The following PCMTD1 variants were observed in gnomAD, a reference collection of about 807,000 sequenced individuals.
The protein encoded by PCMTD1 is protein-L-isoaspartate (D-aspartate) O-methyltransferase domain containing 1, also known as protein-L-isoaspartate O-methyltransferase domain-containing protein 1.
In PCMTD1, 12 loss-of-function variants were observed where a neutral mutation model predicts 37.6. The ratio of observed to expected loss-of-function variants is 0.32; its 90% CI spans 0.20 to 0.52. The LOEUF is 0.52. Ranked by LOEUF, PCMTD1 falls within the 20% of genes least tolerant of loss-of-function variation. The probability of loss-of-function intolerance (pLI) is 0.97; values close to 1 mark genes in which losing one functional copy is unlikely to be tolerated. For synonymous variants in PCMTD1, 117 were observed against 135.8 expected (o/e 0.86, Z 0.96); for missense variants, 235 against 421.3 (o/e 0.56, Z 3.87).
intron 1 of PCMTD1, among the ~76,000 whole-genome samples, chr8:51,887,328 C>G (rs2038878371): frequency 6.6e-6 from 1 of 152,136 alleles, no homozygotes. Context: ...GAATCAGATA[C>G]AATCCATCTT....
chr8:51,867,703 A>G (rs1056323943), intron 1 of PCMTD1, among the ~76,000 whole-genome samples: 1 of 152,064 alleles, frequency 6.6e-6, no homozygotes, highest in Non-Finnish European at 1.5e-5. Context: ...ATACTAAGAC[A>G]TAAGACAGGC....
chr8:51,896,484 TTA>T (rs1284690985), intron 1 of PCMTD1: 5 of 152,184 alleles, frequency 3.3e-5, no homozygotes, highest in Admixed American at 6.5e-5. Flanking sequence ...ATAAAAATGT[TTA>T]CTGATATGAG....
intron 1 of PCMTD1, chr8:51,896,047 G>A (rs1456919110): frequency 6.8e-6 from 1 of 147,108 alleles, no homozygotes; most frequent in African/African-American, 2.6e-5. Context: ...GCAGGTTCAA[G>A]CGACTCTCCT....
At chr8:51,841,417 A>T (rs1175455844) in intron 3 of PCMTD1, among the ~76,000 whole-genome samples, 2 of 152,202 alleles carry the variant, frequency 1.3e-5, no homozygotes, top group African/African-American at 2.4e-5. Flanking sequence ...TGACACTGTC[A>T]TACTTTCAAA....
chr8:51,836,627 C>T (rs556127219), intron 3 of PCMTD1, among the ~76,000 whole-genome samples: 45 of 152,214 alleles, frequency 3.0e-4, no homozygotes, highest in African/African-American at 7.0e-4. Context: ...TACCTACCAA[C>T]GCTGAATATG....
intron 5 of PCMTD1, among the ~76,000 whole-genome samples, chr8:51,831,199 G>C (rs1159904899): frequency 1.3e-5 from 2 of 151,788 alleles, no homozygotes; most frequent in Non-Finnish European, 2.9e-5. Context: ...TTGGGTGTCT[G>C]AGGCACAAGA....
chr8:51,819,211 A>T lies in PCMTD1; in HGVS notation c.*1140T>A, dbSNP rs1293350646. ...AAAAAATATGGGAAGGAGTGAAATG[A>T]ACATGGCATAGGTCCCAAAGATTAC... On this transcript the variant is annotated 3_prime_UTR_variant, in exon 6 of 6. Transcript: ENST00000522514. 1 of 152,196 alleles carries T rather than the reference A, an allele frequency of 6.6e-6. No homozygotes were observed. The highest frequency in any genetic ancestry group is 2.4e-5 in the African/African-American group (1 of 41,462). 9.4% of individuals were successfully genotyped at this position (152,196 alleles called of 1,614,324 possible).
rs541504763 is a variant in PCMTD1 at position 51,849,457 on chromosome 8, T to A, written c.308-3694A>T. On this transcript the variant is annotated intron_variant, in intron 2 of 5. Transcript: ENST00000522514. ...CTATGAAACAAGGGCTTAATTTTTG[T>A]AACTTTTTTTTTAAAAAAAGAAAAT... 9 of 152,240 alleles carry A rather than the reference T, an allele frequency of 5.9e-5. No individual in the cohort carries two copies. In the South Asian group the frequency reaches 1.9e-3, roughly 32 times the overall value. 9.4% of individuals were successfully genotyped at this position (152,240 alleles called of 1,614,324 possible).
intron 2 of PCMTD1, among the ~76,000 whole-genome samples, chr8:51,848,705 GAAAGAT>G (rs1380910897): frequency 1.3e-5 from 2 of 151,986 alleles, no homozygotes; most frequent in African/African-American, 4.8e-5. Context: ...ATTTAATAAT[GAAAGAT>G]AAAGACAATT....
intron 5 of PCMTD1, among the ~76,000 whole-genome samples, chr8:51,826,393 G>C (rs2037921662): frequency 6.6e-6 from 1 of 152,174 alleles, no homozygotes; most frequent in Admixed American, 6.5e-5. Flanking sequence ...GGACGAGAGG[G>C]ATAGCATTAG....
At chr8:51,843,658 A>G (rs535382982) in intron 3 of PCMTD1, among the ~76,000 whole-genome samples, 46 of 152,234 alleles carry the variant, frequency 3.0e-4, no homozygotes, top group Non-Finnish European at 3.4e-4. Flanking sequence ...GTGGTCTTCA[A>G]ACTTATTTGT....
chr8:51,875,179 T>C (rs1319709092), intron 1 of PCMTD1, among the ~76,000 whole-genome samples: 1 of 152,220 alleles, frequency 6.6e-6, no homozygotes, highest in Admixed American at 6.5e-5. Context: ...CAGTAACTAA[T>C]ATGACAGAAA....
chr8:51,852,030 A>G (rs1284061116), intron 2 of PCMTD1, among the ~76,000 whole-genome samples: 1 of 152,318 alleles, frequency 6.6e-6, no homozygotes, highest in African/African-American at 2.4e-5. Context: ...CTATTTGTGA[A>G]GTACTTGAAG....
chr8:51,831,629 C>T, intron 4 of PCMTD1, 62 bp from the exon 5 acceptor site: 2 of 1,515,548 alleles, frequency 1.3e-6, no homozygotes, highest in South Asian at 1.3e-5. Context: ...GGTCACCTTA[C>T]AGTCAAAACT....
In PCMTD1 at chr8:51,875,878, G is replaced by A. The variant is rs1281662383; in HGVS notation, c.-95-14632C>T. The stretch of plus-strand genomic sequence containing the variant: ...GCCCAGGAGTTCAAGGCTGCAGTGA[G>A]CTATGACTGCACCACTGCACTCCAA... On this transcript the variant is annotated intron_variant, in intron 1 of 5. Coordinates refer to ENST00000522514, the MANE Select transcript of PCMTD1 (RefSeq NM_052937.4). 3.0e-4 allele frequency among the ~76,000 whole-genome samples: 46 copies of A among 152,196 alleles called. 1 individual carries two copies. Among genetic ancestry groups the A allele is most frequent in the Admixed American group, 3.0e-3 (46 of 15,284 alleles).
intron 1 of PCMTD1, among the ~76,000 whole-genome samples, chr8:51,882,367 T>A (rs1318426520): frequency 1.3e-5 from 2 of 152,180 alleles, no homozygotes. Context: ...ACAGCTGCAC[T>A]GGGCATGGGG....
At chr8:51,852,083 A>G (rs2038316807) in intron 2 of PCMTD1, among the ~76,000 whole-genome samples, 1 of 152,236 alleles carries the variant, frequency 6.6e-6, no homozygotes. Context: ...TAAATACTCA[A>G]TAAATATTTA....
In PCMTD1 at chr8:51,845,605, T is replaced by C. The variant is rs1376544410; in HGVS notation, c.410+56A>G. 11 of 1,186,186 alleles carry C rather than the reference T, an allele frequency of 9.3e-6. No homozygotes were observed. The Admixed American group carries it at 1.4e-4, about 15-fold the overall frequency. The allele number at this position is 1,186,186 out of a possible 1,614,324, so 73.5% of individuals were successfully genotyped here. A position where few individuals can be genotyped will look rare whatever the true frequency, so the allele number is the denominator to read the frequency against. On this transcript the variant is annotated intron_variant, in intron 3 of 5. Coordinates refer to ENST00000522514, the MANE Select transcript of PCMTD1 (RefSeq NM_052937.4). ...CAATAATAGTGTTCAAGAATAGACA[T>C]GTTGCATGTATCTATTAAGTGATTT...
chr8:51,826,838 TCTC>T (rs1230070456), intron 5 of PCMTD1: 1 of 777,678 alleles, frequency 1.3e-6, no homozygotes, highest in African/African-American at 1.9e-5. Flanking sequence ...TAGAATGTCT[TCTC>T]CTCAACCCCA....
Sources: gnomAD v4.1 joint callset for allele counts (sites outside exome capture counted in the v4.1 genomes callset) on GRCh38, gnomAD v4.1.1 for gene constraint, MANE v1.5 for transcripts, NCBI Gene and HGNC (gene_info 2026-07-23, HGNC 2026-07-21) for gene names.